Variants in ZNF568 observed in about 807,000 individuals in gnomAD.
The protein encoded by ZNF568 is p53 inhibitor of SCO2 activation.
Under a neutral mutation model 18.1 loss-of-function variants are expected in ZNF568, and 11 were observed. That is an observed-to-expected ratio of 0.61 (90% CI 0.38 to 1.00). The LOEUF (loss-of-function observed/expected upper bound fraction) is 1.00, where lower values mean the gene tolerates loss of function less well. Ranked by LOEUF, ZNF568 falls within the 50% of genes least tolerant of loss-of-function variation. The pLI, the probability that ZNF568 is intolerant of heterozygous loss-of-function variation, is 0.01. For synonymous variants in ZNF568, 213 were observed against 246.6 expected, an observed-to-expected ratio of 0.86 and a Z score of 1.28; for missense variants, 639 against 768.2, an observed-to-expected ratio of 0.83 and a Z score of 1.99.
intron 4 of ZNF568, among the ~76,000 whole-genome samples, chr19:36,995,842 T>C (rs1270914556): frequency 6.6e-6 from 1 of 152,232 alleles, no homozygotes; most frequent in Non-Finnish European, 1.5e-5. Flanking sequence ...CCACCTCTCT[T>C]CTTTGTACTA....
intron 7 of ZNF568, chr19:36,974,500 T>G (rs1396814242): frequency 2.0e-6 from 3 of 1,530,546 alleles, no homozygotes; most frequent in Non-Finnish European, 2.6e-6. Context: ...TGGAAAGGAC[T>G]TACTGGTTTT....
intron 2 of ZNF568, among the ~76,000 whole-genome samples, chr19:36,989,048 C>T (rs1644676): frequency 0.53 from 81,165 of 152,046 alleles, 22,186 homozygotes; most frequent in African/African-American, 0.62. Flanking sequence ...TGCTTCTGAA[C>T]GCCTTCTTTT....
At chr19:36,931,677 T>G (rs2073688829) in intron 4 of ZNF568, 1 of 152,086 alleles carries the variant, frequency 6.6e-6, no homozygotes, top group Admixed American at 6.5e-5. Flanking sequence ...TTCACTGAGA[T>G]TTTTTAAACT....
chr19:36,919,124 A>G (rs1600757515), intron 2 of ZNF568, among the ~76,000 whole-genome samples: 2 of 152,168 alleles, frequency 1.3e-5, no homozygotes, highest in South Asian at 4.1e-4. Context: ...CCCTGCTTTC[A>G]GTTTTTTATA....
intron 4 of ZNF568, among the ~76,000 whole-genome samples, chr19:36,992,082 A>T (rs2074429561): frequency 6.6e-6 from 1 of 151,998 alleles, no homozygotes; most frequent in Non-Finnish European, 1.5e-5. Context: ...CTCTACTAAA[A>T]ATACAAAAAA....
chr19:36,950,891 C>T lies in ZNF568; in HGVS notation c.1738C>T (p.His580Tyr). Residue 580 changes from histidine (H) to tyrosine (Y), a missense_variant, in exon 7 of 7, where the codon CAC (histidine) becomes TAC (tyrosine). His to Tyr is a moderately conservative substitution (Grantham distance 83, BLOSUM62 2). Coordinates refer to ENST00000333987, the MANE Select transcript of ZNF568 (RefSeq NM_198539.4). Reference protein sequence around the residue: ...ISSLTLHVRSHTGEKPYECNK... With the variant: ...ISSLTLHVRSYTGEKPYECNK... ...ATCCCTCACTCTTCATGTGAGAAGT[C>T]ACACAGGGGAGAAACCCTATGAATG... 6.2e-7 allele frequency: 1 copy of T among 1,613,488 alleles called. No individual in the cohort carries two copies. The highest frequency in any genetic ancestry group is 1.1e-5 in the South Asian group (1 of 90,982).
At chr19:36,963,092 A>G (rs1330419883) in intron 6 of ZNF568, among the ~76,000 whole-genome samples, 1 of 152,200 alleles carries the variant, frequency 6.6e-6, no homozygotes, top group Non-Finnish European at 1.5e-5. Flanking sequence ...TAATGGTACC[A>G]CAATCACCTG....
exon 7 of ZNF568, chr19:36,974,438 ACTG>A: frequency 1.3e-6 from 2 of 1,536,098 alleles, no homozygotes; most frequent in Non-Finnish European, 1.7e-6. Context: ...AGAGGAGAGA[ACTG>A]CTGTGCGTCT....
At chr19:36,991,097 C>T in intron 2 of ZNF568, 1 of 1,430,376 alleles carries the variant, frequency 7.0e-7, no homozygotes, top group Non-Finnish European at 9.3e-7. Flanking sequence ...TATTGAATTG[C>T]TTTCTCCATT....
intron 2 of ZNF568, among the ~76,000 whole-genome samples, chr19:36,920,612 C>T (rs1332082477): frequency 7.5e-6 from 1 of 133,344 alleles, no homozygotes; most frequent in East Asian, 2.0e-4. Context: ...CAGAGTGAGA[C>T]TCCATCTAAA....
intron 3 of ZNF568, chr19:36,991,373 C>A (rs2074423247): frequency 7.0e-7 from 1 of 1,435,466 alleles, no homozygotes; most frequent in Non-Finnish European, 9.1e-7. Flanking sequence ...TTCTTATGTT[C>A]TTTTTTCTGA....
intron 4 of ZNF568, among the ~76,000 whole-genome samples, chr19:36,929,542 G>A (rs776194619): frequency 6.6e-6 from 1 of 151,938 alleles, no homozygotes; most frequent in South Asian, 2.1e-4. Flanking sequence ...AAAATTAGCC[G>A]GGTGTGGTCG....
downstream of ZNF568, among the ~76,000 whole-genome samples, chr19:36,955,880 G>A (rs960717230): frequency 1.5e-4 from 23 of 152,254 alleles, no homozygotes; most frequent in African/African-American, 5.1e-4. Flanking sequence ...CTGGCTGGCC[G>A]GTGGACCATT....
chr19:36,939,864 T>TTA (rs1568387438), intron 6 of ZNF568, among the ~76,000 whole-genome samples: 1 of 152,190 alleles, frequency 6.6e-6, no homozygotes, highest in Admixed American at 6.5e-5. Flanking sequence ...TTTTTCTGTT[T>TTA]CTTCTTCATG....
intron 2 of ZNF568, among the ~76,000 whole-genome samples, chr19:36,987,347 T>C (rs1179978640): frequency 1.3e-5 from 2 of 152,180 alleles, no homozygotes; most frequent in African/African-American, 4.8e-5. Flanking sequence ...TCCTGTGGGT[T>C]GTCTGGCTCA....
rs538902206 is a variant in ZNF568, at chr19:36,966,268, A to G, written c.359-8152A>G. 2.6e-5 allele frequency among the ~76,000 whole-genome samples: 4 copies of G among 152,240 alleles called. No individual in the cohort carries two copies. The East Asian group carries it at 7.8e-4, about 30-fold the overall frequency. ...ACCACTGCATTCCAGCCTAGGCAAC[A>G]GAGACTCTGTCTCAAAAAGAAAAAA... is the stretch of plus-strand genomic sequence containing the variant. On this transcript the variant is annotated intron_variant, in intron 6 of 7. Coordinates refer to the ZNF568 transcript ENST00000427117.
At chr19:36,974,168 C>T (rs1555738027) in intron 6 of ZNF568, among the ~76,000 whole-genome samples, 3 of 152,126 alleles carry the variant, frequency 2.0e-5, no homozygotes, top group Non-Finnish European at 4.4e-5. Flanking sequence ...GTGTAAGACG[C>T]TAGGCCTGAA....
intron 6 of ZNF568, among the ~76,000 whole-genome samples, chr19:36,965,603 C>G (rs1428691718): frequency 6.6e-6 from 1 of 151,964 alleles, no homozygotes. Flanking sequence ...TTTTTTCTTG[C>G]CCGTAATGCT....
chr19:36,992,685 C>T (rs1196091881), intron 4 of ZNF568, among the ~76,000 whole-genome samples: 2 of 152,086 alleles, frequency 1.3e-5, no homozygotes, highest in African/African-American at 4.8e-5. Flanking sequence ...ATTGAGATAT[C>T]ATAAAATTCA....
Sources: gnomAD v4.1 joint callset for allele counts (sites outside exome capture counted in the v4.1 genomes callset) on GRCh38, gnomAD v4.1.1 for gene constraint, MANE v1.5 for transcripts, NCBI Gene and HGNC (gene_info 2026-07-23, HGNC 2026-07-21) for gene names.